Variants in RPL23A observed in about 807,000 individuals in gnomAD.
RPL23A encodes ribosomal protein L23a.
A neutral mutation model predicts 17.6 loss-of-function variants in RPL23A; 2 were observed. The observed-to-expected ratio is 0.11, with a 90% CI of 0.05 to 0.36. RPL23A has a LOEUF of 0.36. Ranked by LOEUF, RPL23A falls within the 10% of genes least tolerant of loss-of-function variation. The pLI, the probability that RPL23A is intolerant of heterozygous loss-of-function variation, is 1.00. For synonymous variants in RPL23A, 65 were observed against 74.3 expected, an observed-to-expected ratio of 0.87 and a Z score of 0.65; for missense variants, 132 against 194.4, an observed-to-expected ratio of 0.68 and a Z score of 1.91.
At chr17:28,720,231 G>GC (rs754224166) in intron 1 of RPL23A, 9 of 1,539,014 alleles carry the variant, frequency 5.8e-6, no homozygotes, top group African/African-American at 4.1e-5. Flanking sequence ...GAGTTGGGGG[G>GC]GGGCAACGCG....
intron 1 of RPL23A, 39 bp from the exon 2 acceptor site, chr17:28,720,668 C>G: frequency 1.2e-6 from 2 of 1,611,378 alleles, no homozygotes; most frequent in South Asian, 1.1e-5. Flanking sequence ...TGACCGATTT[C>G]TAAATCCCGC....
intron 1 of RPL23A, 130 bp from the exon 2 acceptor site, chr17:28,720,577 C>T: frequency 7.2e-7 from 1 of 1,380,336 alleles, no homozygotes; most frequent in South Asian, 1.2e-5. Context: ...GTTTTAATCT[C>T]CTGACACTTG....
At chr17:28,720,319 C>T in intron 1 of RPL23A, 2 of 1,550,644 alleles carry the variant, frequency 1.3e-6, no homozygotes, top group Non-Finnish European at 1.7e-6. Context: ...AGCTCCATGT[C>T]CCCGGGCCTG....
At position 28,724,012 on chromosome 17, in the gene RPL23A, A is replaced by G; in HGVS notation, c.*131A>G. 1 of 615,876 alleles carries G rather than the reference A, an allele frequency of 1.6e-6. No homozygotes were observed. The highest frequency in any genetic ancestry group is 2.8e-6 in the Non-Finnish European group (1 of 361,328). The allele number at this position is 615,876 out of a possible 1,614,324, so 38.2% of individuals were successfully genotyped here. On this transcript the variant is annotated 3_prime_UTR_variant, in exon 5 of 5. Coordinates refer to ENST00000422514, the MANE Select transcript of RPL23A (RefSeq NM_000984.6). ...ACTGACATGACAGGGCTTGGGCAAGACTCCTGTTCTACTTATCCTTTTGAA... is the reference window on the plus strand; with the variant it reads ...ACTGACATGACAGGGCTTGGGCAAGGCTCCTGTTCTACTTATCCTTTTGAA...
intron 1 of RPL23A, chr17:28,720,422 T>A: frequency 6.2e-7 from 1 of 1,606,726 alleles, no homozygotes; most frequent in Non-Finnish European, 8.5e-7. Flanking sequence ...AGCGTGGTTT[T>A]GCGATGGGGT....
intron 2 of RPL23A, among the ~76,000 whole-genome samples, chr17:28,722,154 C>G (rs560961667): frequency 6.6e-6 from 1 of 150,880 alleles, no homozygotes; most frequent in Admixed American, 6.6e-5. Context: ...CAGGCTGAAG[C>G]AGGAGAATGG....
rs779328692 is a variant in RPL23A at position 28,722,358 on chromosome 17, TAGTTGAGAGGG to T, written c.210-360_210-350del. On this transcript the variant is annotated intron_variant, in intron 2 of 4. Coordinates refer to ENST00000422514, the MANE Select transcript of RPL23A (RefSeq NM_000984.6). ...CATGACCAGCTAATTTTTGTATTTT[TAGTTGAGAGGG>T]AGTTTCACCATGTTGGCCAGGATGG... The T allele has an allele frequency of 8.4e-4, 297 of 355,654 alleles. 3 individuals carry two copies. Among genetic ancestry groups the T allele is most frequent in the South Asian group, 2.0e-3 (92 of 46,552 alleles). The allele number at this position is 355,654 out of a possible 1,614,324, so 22.0% of individuals were successfully genotyped here.
chr17:28,720,082 C>T (rs775301342), intron 1 of RPL23A, 52 bp downstream of exon 1: 3 of 1,548,398 alleles, frequency 1.9e-6, no homozygotes, highest in African/African-American at 1.4e-5. Context: ...TGCCGCGCCG[C>T]AGAGCGAACG....
In RPL23A at chr17:28,722,718, C is replaced by G. The variant is rs189535680; in HGVS notation, c.210-5C>G. 7.4e-6 allele frequency: 12 copies of G among 1,614,038 alleles called. No homozygotes were observed. Among genetic ancestry groups the G allele is most frequent in the Admixed American group, 5.0e-5 (3 of 60,016 alleles). On this transcript the variant is annotated splice_polypyrimidine_tract_variant and splice_region_variant and intron_variant, in intron 2 of 4. Coordinates refer to ENST00000422514, the MANE Select transcript of RPL23A (RefSeq NM_000984.6). The stretch of plus-strand genomic sequence containing the variant: ...GGCCAGGTGACCCCATTTTGCCTCT[C>G]CCAGGCTTGACCACTATGCTATCAT...
At position 28,720,781 on chromosome 17, in the gene RPL23A, A is replaced by G. The variant is rs1471259882; in HGVS notation, c.100A>G (p.Ser34Gly). 1 of 1,612,564 alleles carries G rather than the reference A, an allele frequency of 6.2e-7. No individual in the cohort carries two copies. The highest frequency in any genetic ancestry group is 1.3e-5 in the African/African-American group (1 of 74,908). Residue 34 changes from serine to glycine, a missense_variant, in exon 2 of 5, where the codon AGC (serine) becomes GGC (glycine). This residue lies in a region of RPL23A where 63 missense variants were observed against 48.9 expected (regional missense o/e 1.29). Transcript: ENST00000422514. ...AKKAVLKGVH[S>G]HKKKKIRTSP... ...GAAGGCAGTGTTGAAAGGTGTCCAC[A>G]GCCACAAAAAGAAGAAGATCCGCAC...
chr17:28,722,107 C>A (rs898606355), intron 2 of RPL23A, among the ~76,000 whole-genome samples: 2 of 151,062 alleles, frequency 1.3e-5, no homozygotes. Flanking sequence ...ATTAGCCGGG[C>A]GTGGTGGCAG....
At chr17:28,723,261 G>C (rs2034148716) in intron 3 of RPL23A, 1 of 558,756 alleles carries the variant, frequency 1.8e-6, no homozygotes, top group Admixed American at 2.8e-5. Context: ...GTGGACCTGA[G>C]GCTTTCTAGG....
chr17:28,720,528 G>A, intron 1 of RPL23A, 179 bp from the exon 2 acceptor site: 22 of 1,474,716 alleles, frequency 1.5e-5, no homozygotes, highest in Non-Finnish European at 2.0e-5. Context: ...ACTTAGAGTT[G>A]GTCGCTTTCG....
chr17:28,720,045 T>C lies in RPL23A; in HGVS notation c.25+15T>C, dbSNP rs199954719. On this transcript the variant is annotated intron_variant, in intron 1 of 4. Coordinates refer to ENST00000422514, the MANE Select transcript of RPL23A (RefSeq NM_000984.6). ...GAAGAAGGAAGGTGTGTGTTGGTGA[T>C]GGGGCCGCAGCTGGTTTACCGGGGA... The C allele has an allele frequency of 6.4e-7, 1 of 1,551,460 alleles. No individual in the cohort carries two copies. Among genetic ancestry groups the C allele is most frequent in the African/African-American group, 1.4e-5 (1 of 73,148 alleles).
Position 28,724,196 on chromosome 17 carries a change from C to T in RPL23A, c.*315C>T. 2.0e-6 allele frequency: 1 copy of T among 504,610 alleles called. No individual in the cohort carries two copies. The highest frequency in any genetic ancestry group is 3.3e-5 in the East Asian group (1 of 30,544). The allele number at this position is 504,610 out of a possible 1,614,324, so 31.3% of individuals were successfully genotyped here. On this transcript the variant is annotated 3_prime_UTR_variant, in exon 5 of 5. Transcript: ENST00000422514. ...TCCCTGGAAGAGGCTGTGTATGAAA[C>T]CAATGCCCAGGGTTTGAAGGGTGTT...
intron 2 of RPL23A, 46 bp downstream of exon 2, chr17:28,720,936 A>G: frequency 6.5e-7 from 1 of 1,543,920 alleles, no homozygotes; most frequent in Non-Finnish European, 8.9e-7. Context: ...GGTATTCTCC[A>G]TTGGTAATTT....
In RPL23A at chr17:28,720,326, C is replaced by T. The variant is rs1441144489; in HGVS notation, c.25+296C>T. 3 of 1,550,746 alleles carry T rather than the reference C, an allele frequency of 1.9e-6. No homozygotes were observed. The African/African-American group carries it at 4.1e-5, about 21-fold the overall frequency. ...CTGGTTGGAGCTCCATGTCCCCGGG[C>T]CTGTAAGGAATTAGTGCCCTCAGCT... On this transcript the variant is annotated intron_variant, in intron 1 of 4. Transcript: ENST00000422514.
Position 28,723,981 on chromosome 17 carries a change from A to G in RPL23A, c.*100A>G, listed in dbSNP as rs986818783. 3.9e-6 allele frequency: 3 copies of G among 761,662 alleles called. No homozygotes were observed. Among genetic ancestry groups the G allele is most frequent in the African/African-American group, 3.6e-5 (2 of 56,160 alleles). 47.2% of individuals were successfully genotyped at this position (761,662 alleles called of 1,614,324 possible). A position where few individuals can be genotyped will look rare whatever the true frequency, so the allele number is the denominator to read the frequency against. ...TTCTGGTTGGGCTGGGAGGCCACAC[A>G]CACACACTGACATGACAGGGCTTGG... On this transcript the variant is annotated 3_prime_UTR_variant, in exon 5 of 5. Transcript: ENST00000422514.
At chr17:28,722,028 G>T (rs902178887) in intron 2 of RPL23A, 1 of 151,992 alleles carries the variant, frequency 6.6e-6, no homozygotes, top group African/African-American at 2.4e-5. Flanking sequence ...GGCGGATCAC[G>T]AGGTCAGGAG....
Sources: gnomAD v4.1 joint callset for allele counts (sites outside exome capture counted in the v4.1 genomes callset) on GRCh38, gnomAD v4.1.1 for gene constraint, gnomAD v4.1.1 regional missense constraint, MANE v1.5 for transcripts, NCBI Gene and HGNC (gene_info 2026-07-23, HGNC 2026-07-21) for gene names.